L3MBTL3: variants seen among roughly 807,000 people sequenced by gnomAD.
L3MBTL3 encodes L3MBTL histone methyl-lysine binding protein 3.
Under a neutral mutation model 102.3 loss-of-function variants are expected in L3MBTL3, and 27 were observed. The observed-to-expected ratio is 0.26, with a 90% CI of 0.19 to 0.36. The LOEUF is 0.36. L3MBTL3 is among the 10% of genes least tolerant of loss of function. L3MBTL3 has a pLI of 1.00. For synonymous variants in L3MBTL3, 340 were observed against 320.9 expected, an observed-to-expected ratio of 1.06 and a Z score of -0.64; for missense variants, 798 against 955.3, an observed-to-expected ratio of 0.84 and a Z score of 2.17.
chr6:130,081,451 C>A (rs940992175), intron 14 of L3MBTL3, among the ~76,000 whole-genome samples: 14 of 149,970 alleles, frequency 9.3e-5, no homozygotes, highest in Non-Finnish European at 1.9e-4. Flanking sequence ...CGGATTCTTG[C>A]TCTGTTGCCC....
At chr6:130,090,995 G>A (rs570702259) in intron 16 of L3MBTL3, among the ~76,000 whole-genome samples, 42 of 152,102 alleles carry the variant, frequency 2.8e-4, no homozygotes, top group African/African-American at 9.6e-4. Flanking sequence ...ATCTTTTTGT[G>A]CTGATACATC....
rs184585635 is a variant in L3MBTL3 at position 130,079,749 on chromosome 6, G to A, written c.1321+1115G>A. ...TTGGAACAGCTGGTTTCATTTTTAC[G>A]TTTGTCTCCAGTTCCTTGATACAGT... On this transcript the variant is annotated intron_variant, in intron 14 of 22. Transcript: ENST00000361794. Among the ~76,000 whole-genome samples, 7 of 152,174 alleles carry A rather than the reference G, an allele frequency of 4.6e-5. No homozygotes were observed. The East Asian group carries it at 7.7e-4, about 17-fold the overall frequency.
chr6:130,025,869 G>C (rs1779309053), intron 2 of L3MBTL3, among the ~76,000 whole-genome samples: 1 of 152,144 alleles, frequency 6.6e-6, no homozygotes, highest in South Asian at 2.1e-4. Flanking sequence ...CAGCAGGGTT[G>C]AATGAATGTA....
chr6:130,106,853 G>T (rs572221093), intron 19 of L3MBTL3, among the ~76,000 whole-genome samples: 1 of 152,240 alleles, frequency 6.6e-6, no homozygotes, highest in African/African-American at 2.4e-5. Flanking sequence ...GTAAAGAAAT[G>T]CCCTTCCACT....
intron 15 of L3MBTL3, among the ~76,000 whole-genome samples, chr6:130,084,151 A>G (rs1651407521): frequency 6.6e-6 from 1 of 152,178 alleles, no homozygotes; most frequent in South Asian, 2.1e-4. Context: ...TTAATTACCA[A>G]AATACAAGAT....
intron 19 of L3MBTL3, among the ~76,000 whole-genome samples, chr6:130,119,110 T>C (rs908742064): frequency 6.6e-6 from 1 of 152,132 alleles, no homozygotes; most frequent in Non-Finnish European, 1.5e-5. Flanking sequence ...AACTGAAATA[T>C]ACAGAAAATT....
At chr6:130,078,354 C>A (rs920523385) in intron 13 of L3MBTL3, among the ~76,000 whole-genome samples, 4 of 152,040 alleles carry the variant, frequency 2.6e-5, no homozygotes, top group African/African-American at 4.8e-5. Flanking sequence ...GGTGTCAAAT[C>A]CATATAATGT....
intron 2 of L3MBTL3, among the ~76,000 whole-genome samples, chr6:130,034,498 G>A (rs901832670): frequency 1.7e-4 from 26 of 152,010 alleles, no homozygotes; most frequent in African/African-American, 5.8e-4. Context: ...AGTTTTGTTC[G>A]CACAATGTGT....
intron 20 of L3MBTL3, among the ~76,000 whole-genome samples, chr6:130,124,342 A>G (rs1381194993): frequency 6.6e-6 from 1 of 152,182 alleles, no homozygotes; most frequent in Non-Finnish European, 1.5e-5. Flanking sequence ...GATTCACTAT[A>G]TTCAGCCAGA....
intron 18 of L3MBTL3, among the ~76,000 whole-genome samples, chr6:130,100,856 A>G (rs1292240989): frequency 1.3e-5 from 2 of 152,170 alleles, no homozygotes; most frequent in African/African-American, 2.4e-5. Context: ...GACCCAGCCC[A>G]TCTAAGAATC....
At chr6:130,095,841 C>T (rs1409560737) in intron 18 of L3MBTL3, among the ~76,000 whole-genome samples, 1 of 152,144 alleles carries the variant, frequency 6.6e-6, no homozygotes, top group Non-Finnish European at 1.5e-5. Context: ...ATAACAAACC[C>T]ACTTCTGCGA....
chr6:130,071,988 A>G (rs1782666643), intron 13 of L3MBTL3, among the ~76,000 whole-genome samples: 1 of 152,142 alleles, frequency 6.6e-6, no homozygotes, highest in African/African-American at 2.4e-5. Flanking sequence ...AATGCTTTCT[A>G]TTATATGTTA....
chr6:130,100,140 A>C (rs1012720984), intron 18 of L3MBTL3, among the ~76,000 whole-genome samples: 1 of 151,540 alleles, frequency 6.6e-6, no homozygotes, highest in Admixed American at 6.6e-5. Flanking sequence ...CCCCAAAGGA[A>C]CTACTTCTTA....
chr6:130,121,292 A>G (rs894693113), intron 20 of L3MBTL3, among the ~76,000 whole-genome samples: 3 of 152,034 alleles, frequency 2.0e-5, no homozygotes, highest in African/African-American at 7.2e-5. Context: ...GGTTCTCATC[A>G]TTTAGCTCCC....
intron 2 of L3MBTL3, among the ~76,000 whole-genome samples, chr6:130,039,775 T>C (rs776892006): frequency 2.6e-5 from 4 of 152,216 alleles, no homozygotes; most frequent in Non-Finnish European, 5.9e-5. Flanking sequence ...TAATAGAAGA[T>C]AGCTGGATAT....
intron 19 of L3MBTL3, among the ~76,000 whole-genome samples, chr6:130,116,767 G>A (rs142178184): frequency 7.9e-5 from 12 of 151,366 alleles, no homozygotes; most frequent in African/African-American, 1.9e-4. Flanking sequence ...AAAAAAAATC[G>A]CACACTTGCG....
intron 12 of L3MBTL3, among the ~76,000 whole-genome samples, chr6:130,069,131 C>A (rs558107266): frequency 1.3e-5 from 2 of 152,272 alleles, no homozygotes; most frequent in African/African-American, 4.8e-5. Context: ...TCGCCTTTCA[C>A]GCCCATCCCC....
intron 19 of L3MBTL3, among the ~76,000 whole-genome samples, chr6:130,107,432 C>T (rs1452541455): frequency 6.6e-6 from 1 of 152,118 alleles, no homozygotes; most frequent in Non-Finnish European, 1.5e-5. Context: ...TTATGAGGAT[C>T]CTGAGCTTTC....
In L3MBTL3 at chr6:130,139,848, C is replaced by T. The variant is rs1582684277; in HGVS notation, c.*95C>T. ...GTTATAACTCCTAAGTGAGAAGTCT[C>T]CAAAACTCAAAAGAGCAACACTATC... On this transcript the variant is annotated 3_prime_UTR_variant, in exon 23 of 23. Transcript: ENST00000361794. 2.0e-5 allele frequency: 23 copies of T among 1,145,498 alleles called. No individual in the cohort carries two copies. The East Asian group carries it at 5.7e-4, about 28-fold the overall frequency. The allele number at this position is 1,145,498 out of a possible 1,614,324, so 71.0% of individuals were successfully genotyped here. A position where few individuals can be genotyped will look rare whatever the true frequency, so the allele number is the denominator to read the frequency against.
Sources: gnomAD v4.1 joint callset for allele counts (sites outside exome capture counted in the v4.1 genomes callset) on GRCh38, gnomAD v4.1.1 for gene constraint, MANE v1.5 for transcripts, NCBI Gene and HGNC (gene_info 2026-07-23, HGNC 2026-07-21) for gene names.